The following SULT1A2 variants were observed in gnomAD, a reference collection of about 807,000 sequenced individuals.
SULT1A2 encodes the protein sulfotransferase 1A2.
A neutral mutation model predicts 36.0 loss-of-function variants in SULT1A2; 33 were observed. The ratio of observed to expected loss-of-function variants is 0.92; its 90% CI spans 0.69 to 1.22. The LOEUF is 1.22. Among genes scored for constraint, SULT1A2 ranks in the 50% most tolerant of loss-of-function variants. The pLI is 0.00. For missense variants in SULT1A2, 367 were observed against 383.2 expected (o/e 0.96, Z 0.35); for synonymous variants, 138 against 144.5 (o/e 0.96, Z 0.32).
chr16:28,593,802 C>T (rs1192167493), intron 4 of SULT1A2, among the ~76,000 whole-genome samples: 1 of 152,136 alleles, frequency 6.6e-6, no homozygotes, highest in Non-Finnish European at 1.5e-5. Context: ...ATGCGTCACA[C>T]CCCGATCTGG....
rs199674834 is a variant in SULT1A2, at chr16:28,593,243, C to T, written c.594+9G>A. ...GTCACGTGGAGGGAAGCATCAAAGGCGGTCTCACCTCCTTCATGTCTTCAT... is the reference window on the plus strand; with the variant it reads ...GTCACGTGGAGGGAAGCATCAAAGGTGGTCTCACCTCCTTCATGTCTTCAT... On this transcript the variant is annotated intron_variant, in intron 6 of 7. Transcript: ENST00000335715. The T allele has an allele frequency of 2.4e-5, 38 of 1,612,828 alleles. No homozygotes were observed. Among genetic ancestry groups the T allele is most frequent in the Middle Eastern group, 1.9e-4 (1 of 5,218 alleles).
At position 28,595,349 on chromosome 16, in the gene SULT1A2, C is replaced by G. The variant is rs921659591; in HGVS notation, c.372+18G>C. ...AAGTACTGAGATTGCGGGTGTGAAC[C>G]ACTGTGCCCAGTCTCACCTTGACCT... On this transcript the variant is annotated intron_variant, in intron 4 of 7. Coordinates refer to ENST00000335715, the MANE Select transcript of SULT1A2 (RefSeq NM_001054.4). 3.1e-6 allele frequency: 5 copies of G among 1,613,548 alleles called. No homozygotes were observed. In the African/African-American group the frequency reaches 5.3e-5, roughly 17 times the overall value.
In SULT1A2 at chr16:28,592,375, G is replaced by T. The variant is rs759357559; in HGVS notation, c.663C>A (p.Asp221Glu). The change falls in exon 7 of 8, where the codon GAC becomes GAA. Residue 221 changes from aspartate (D) to glutamate (E), a missense_variant. Transcript: ENST00000335715. The stretch of plus-strand genomic sequence containing the variant: ...TGAACGACGTGTGCTCAACCATGAG[G>T]TCCACAGTCTCCTCTGGCAGGGAGC... ...VGRSLPEETVDLMVEHTSFKE... is the reference protein window; with the variant it reads ...VGRSLPEETVELMVEHTSFKE... 3.1e-6 allele frequency: 5 copies of T among 1,614,054 alleles called. No individual in the cohort carries two copies. The East Asian group carries it at 1.1e-4, about 36-fold the overall frequency.
chr16:28,593,202 G>A, intron 6 of SULT1A2, 50 bp downstream of exon 6: 6 of 1,610,298 alleles, frequency 3.7e-6, no homozygotes, highest in South Asian at 3.3e-5. Flanking sequence ...TCCCTGTGAA[G>A]TGCCTGCCCC....
rs1338899991 is a variant in SULT1A2 at position 28,595,576 on chromosome 16, T to C, written c.248A>G (p.Glu83Gly). 1 of 1,614,048 alleles carries C rather than the reference T, an allele frequency of 6.2e-7. No individual in the cohort carries two copies. The highest frequency in any genetic ancestry group is 1.3e-5 in the African/African-American group (1 of 74,908). Reference protein sequence around the residue: ...APIFMRVPFLEFKVPGIPSGM... With the variant: ...APIFMRVPFLGFKVPGIPSGM... The stretch of plus-strand genomic sequence containing the variant: ...TGAGGGAATCCCTGGGACTTTGAAC[T>C]CAAGGAAGGGCACCCGCATGAAGAT... The change falls in exon 3 of 8, where the codon GAG (glutamate) becomes GGG (glycine). Residue 83 changes from glutamate (E) to glycine (G), a missense_variant. Coordinates refer to ENST00000335715, the MANE Select transcript of SULT1A2 (RefSeq NM_001054.4).
chr16:28,593,415 C>G, intron 5 of SULT1A2, 27 bp downstream of exon 5: 1 of 1,614,196 alleles, frequency 6.2e-7, no homozygotes, highest in Non-Finnish European at 8.5e-7. Flanking sequence ...CTTAGCTCCA[C>G]ACCTTCCTTC....
chr16:28,595,375 T>G lies in SULT1A2; in HGVS notation c.364A>C (p.Lys122Gln). 1 of 1,613,982 alleles carries G rather than the reference T, an allele frequency of 6.2e-7. No individual in the cohort carries two copies. Among genetic ancestry groups the G allele is most frequent in the Non-Finnish European group, 8.5e-7 (1 of 1,179,914 alleles). Residue 122 changes from lysine to glutamine, a missense_variant, in exon 4 of 8, where the codon AAG becomes CAG. Transcript: ENST00000335715. Reference sequence around the variant, plus strand: ...ACTGTGCCCAGTCTCACCTTGACCTTCTGATCCAACAGAGTCTGGGGGAGC... The same window carrying G: ...ACTGTGCCCAGTCTCACCTTGACCTGCTGATCCAACAGAGTCTGGGGGAGC... ...ALLPQTLLDQKVKVVYVARNA... is the reference protein window; with the variant it reads ...ALLPQTLLDQQVKVVYVARNA...
chr16:28,594,852 C>A (rs11647881), intron 4 of SULT1A2, among the ~76,000 whole-genome samples: 14,842 of 137,228 alleles, frequency 0.11, 843 homozygotes, highest in Middle Eastern at 0.21. Flanking sequence ...GAGGTCTCGG[C>A]TGACTACAAC....
Position 28,593,319 on chromosome 16 carries a change from A to C in SULT1A2, c.527T>G (p.Val176Gly), listed in dbSNP as rs1200970922. Residue 176 changes from valine to glycine, a missense_variant, in exon 6 of 8, where the codon GTG becomes GGG. Physicochemically the swap from Val to Gly is moderately radical, Grantham distance 109. Transcript: ENST00000335715. Reference protein sequence around the residue: ...EVSYGSWYQHVQEWWELSRTH... With the variant: ...EVSYGSWYQHGQEWWELSRTH... ...GCGGCTCAGCTCCCACCACTCTTGC[A>C]CGTGCTGGTACCAGGACCCATAGGA... The C allele has an allele frequency of 1.2e-6, 2 of 1,614,188 alleles. No individual in the cohort carries two copies. The highest frequency in any genetic ancestry group is 4.5e-5 in the East Asian group (2 of 44,880).
At chr16:28,596,873 G>T in intron 1 of SULT1A2, 124 bp downstream of exon 1, 1 of 636,016 alleles carries the variant, frequency 1.6e-6, no homozygotes, top group Non-Finnish European at 2.2e-6. Flanking sequence ...GCCGGCCGGG[G>T]TTGTCTGAAA....
chr16:28,595,252 C>T, intron 4 of SULT1A2, 115 bp downstream of exon 4: 7 of 1,410,218 alleles, frequency 5.0e-6, no homozygotes, highest in Non-Finnish European at 3.9e-6. Flanking sequence ...CTATGCACAG[C>T]TAAGTTTTTT....
intron 7 of SULT1A2, 22 bp downstream of exon 7, chr16:28,592,241 C>T (rs746239635): frequency 6.2e-7 from 1 of 1,613,974 alleles, no homozygotes; most frequent in Non-Finnish European, 8.5e-7. Flanking sequence ...TGCTCCAAAC[C>T]CCCGTGCTGG....
chr16:28,595,288 T>G lies in SULT1A2; in HGVS notation c.372+79A>C. Reference sequence around the variant, plus strand: ...TTTTGGAAGAGACTTATCTGGAACTTCTGGCTTCAAGGGATCTTCCCACCT... The same window carrying G: ...TTTTGGAAGAGACTTATCTGGAACTGCTGGCTTCAAGGGATCTTCCCACCT... On this transcript the variant is annotated intron_variant, in intron 4 of 7. Transcript: ENST00000335715. The G allele has an allele frequency of 6.4e-6, 10 of 1,571,612 alleles. 1 individual carries two copies. In the South Asian group the frequency reaches 1.2e-4, roughly 18 times the overall value.
Position 28,592,385 on chromosome 16 carries a change from T to A in SULT1A2, c.653A>T (p.Glu218Val), listed in dbSNP as rs1355988572. The A allele has an allele frequency of 6.2e-7, 1 of 1,612,416 alleles. No homozygotes were observed. The highest frequency in any genetic ancestry group is 8.5e-7 in the Non-Finnish European group (1 of 1,178,852). Reference protein sequence around the residue: ...LEFVGRSLPEETVDLMVEHTS... With the variant: ...LEFVGRSLPEVTVDLMVEHTS... ...GTGCTCAACCATGAGGTCCACAGTC[T>A]CCTCTGGCAGGGAGCGCCCCACAAA... Residue 218 changes from glutamate (E) to valine (V), a missense_variant, in exon 7 of 8, where the codon GAG becomes GTG. By Grantham distance (121) the Glu-to-Val change is moderately radical. Transcript: ENST00000335715.
At chr16:28,596,075 G>A in intron 1 of SULT1A2, 141 bp from the exon 2 acceptor site, 3 of 1,533,796 alleles carry the variant, frequency 2.0e-6, no homozygotes, top group Non-Finnish European at 2.6e-6. Flanking sequence ...GTCAGTGGCG[G>A]GGCTGGGGCT....
At chr16:28,594,196 A>T (rs1275342445) in intron 4 of SULT1A2, among the ~76,000 whole-genome samples, 7 of 151,008 alleles carry the variant, frequency 4.6e-5, no homozygotes, top group Non-Finnish European at 1.0e-4. Flanking sequence ...GTTGGAGTGC[A>T]CTGGAGTGAG....
At chr16:28,595,330 T>G in intron 4 of SULT1A2, 37 bp downstream of exon 4, 647 of 1,580,326 alleles carry the variant, frequency 4.1e-4, no homozygotes, top group Non-Finnish European at 5.2e-4. Context: ...CCCAAAGTAC[T>G]GAGATTGCGG....
Position 28,595,752 on chromosome 16 carries a change from T to C in SULT1A2, c.148+31A>G, listed in dbSNP as rs1448532680. On this transcript the variant is annotated intron_variant, in intron 2 of 7. Coordinates refer to ENST00000335715, the MANE Select transcript of SULT1A2 (RefSeq NM_001054.4). Reference sequence around the variant, plus strand: ...GCTGGCCAAGGTGGGGACTGCCACCTGGGAGAGGGTGGGTGGCCCTCCTCA... The same window carrying C: ...GCTGGCCAAGGTGGGGACTGCCACCCGGGAGAGGGTGGGTGGCCCTCCTCA... The C allele has an allele frequency of 1.7e-5, 28 of 1,611,818 alleles. 1 individual carries two copies. The highest frequency in any genetic ancestry group is 2.7e-5 in the African/African-American group (2 of 74,844).
intron 6 of SULT1A2, among the ~76,000 whole-genome samples, chr16:28,592,705 C>G (rs1221831961): frequency 6.6e-6 from 1 of 152,100 alleles, no homozygotes; most frequent in Non-Finnish European, 1.5e-5. Flanking sequence ...GGTGGCATAA[C>G]CATTGGCAGG....
Sources: gnomAD v4.1 joint callset for allele counts (sites outside exome capture counted in the v4.1 genomes callset) on GRCh38, gnomAD v4.1.1 for gene constraint, MANE v1.5 for transcripts, NCBI Gene and HGNC (gene_info 2026-07-23, HGNC 2026-07-21) for gene names.